The following PCDHGA5 variants were observed in gnomAD, a reference collection of about 807,000 sequenced individuals.
PCDHGA5 encodes protocadherin gamma subfamily A, 5, also known as protocadherin gamma-A5.
In PCDHGA5, 36 loss-of-function variants were observed where a neutral mutation model predicts 56.7. The observed-to-expected ratio is 0.64, with a 90% CI of 0.49 to 0.84. The LOEUF (loss-of-function observed/expected upper bound fraction) is 0.84. Ranked by LOEUF, PCDHGA5 falls within the 40% of genes least tolerant of loss-of-function variation. The probability of loss-of-function intolerance (pLI) is 0.00; values close to 1 mark genes in which losing one functional copy is unlikely to be tolerated. For synonymous variants in PCDHGA5, 563 were observed against 520.2 expected, an observed-to-expected ratio of 1.08 and a Z score of -1.12; for missense variants, 1,305 against 1,201.5, an observed-to-expected ratio of 1.09 and a Z score of -1.27.
At chr5:141,390,433 AT>A (rs1395897313) in intron 1 of PCDHGA5, 1 of 978,654 alleles carries the variant, frequency 1.0e-6, no homozygotes, top group East Asian at 2.6e-5. Context: ...CTGTCATATC[AT>A]TCTACAAAGG....
intron 1 of PCDHGA5, among the ~76,000 whole-genome samples, chr5:141,448,952 C>A (rs1278778374): frequency 2.6e-5 from 4 of 151,698 alleles, no homozygotes; most frequent in Non-Finnish European, 5.9e-5. Flanking sequence ...CTCAAAAAAA[C>A]AAACAAACAA....
chr5:141,462,818 C>T (rs1280335120), intron 1 of PCDHGA5, among the ~76,000 whole-genome samples: 1 of 152,120 alleles, frequency 6.6e-6, no homozygotes, highest in East Asian at 1.9e-4. Flanking sequence ...TTTTATTGGA[C>T]AGCAGACATT....
At chr5:141,433,560 G>A (rs1276743163) in intron 1 of PCDHGA5, among the ~76,000 whole-genome samples, 1 of 152,110 alleles carries the variant, frequency 6.6e-6, no homozygotes, top group East Asian at 1.9e-4. Flanking sequence ...TTCTGGCTGG[G>A]CGCGGTGGCT....
chr5:141,403,613 C>T lies in PCDHGA5; in HGVS notation c.2421+36862C>T, dbSNP rs769394271. On this transcript the variant is annotated intron_variant, in intron 1 of 3. Transcript: ENST00000518069. ...CACGGCCTCGGATGGCGGCGAGCCG[C>T]GTCGCTCCAGCACAGTGCGCATCCA... The T allele has an allele frequency of 3.5e-5, 56 of 1,613,778 alleles. No homozygotes were observed. Among genetic ancestry groups the T allele is most frequent in the Non-Finnish European group, 4.7e-5 (55 of 1,179,908 alleles).
chr5:141,453,888 C>T (rs1273180395), intron 1 of PCDHGA5, among the ~76,000 whole-genome samples: 2 of 152,198 alleles, frequency 1.3e-5, no homozygotes, highest in East Asian at 1.9e-4. Flanking sequence ...TGTGGCCAAT[C>T]ACATGACTTC....
chr5:141,407,735 T>C (rs2094975330), intron 1 of PCDHGA5, among the ~76,000 whole-genome samples: 1 of 152,246 alleles, frequency 6.6e-6, no homozygotes, highest in Non-Finnish European at 1.5e-5. Context: ...GTTCACTATA[T>C]ATACTCCCTA....
chr5:141,400,524 G>T, intron 1 of PCDHGA5: 1 of 1,613,920 alleles, frequency 6.2e-7, no homozygotes, highest in Non-Finnish European at 8.5e-7. Flanking sequence ...ATCCTGAGTT[G>T]GTGAGTTTCA....
chr5:141,426,756 G>A, intron 1 of PCDHGA5: 1 of 456,302 alleles, frequency 2.2e-6, no homozygotes. Context: ...ATCTGCTATA[G>A]ATGCAGATGT....
rs182905441 is a variant in PCDHGA5, at chr5:141,450,871, C to A, written c.2422-43936C>A. Among the ~76,000 whole-genome samples, 581 of 149,672 alleles carry A rather than the reference C, an allele frequency of 3.9e-3. 6 individuals carry two copies. Among genetic ancestry groups the A allele is most frequent in the Admixed American group, 0.011 (168 of 14,998 alleles). ...ATGGGGTCTTGCTCTGTCACCCAGGCTGGTGTGCAGTGGTGCGATATCGGC... is the reference window on the plus strand; with the variant it reads ...ATGGGGTCTTGCTCTGTCACCCAGGATGGTGTGCAGTGGTGCGATATCGGC... On this transcript the variant is annotated intron_variant, in intron 1 of 3. Coordinates refer to ENST00000518069, the MANE Select transcript of PCDHGA5 (RefSeq NM_018918.3).
chr5:141,462,253 A>C (rs7717600), intron 1 of PCDHGA5, among the ~76,000 whole-genome samples: 42,489 of 152,124 alleles, frequency 0.28, 6,669 homozygotes, highest in African/African-American at 0.43. Context: ...AGCCACCATG[A>C]CCAGCCTAAA....
At chr5:141,418,566 A>G (rs2096269931) in intron 1 of PCDHGA5, 2 of 1,614,054 alleles carry the variant, frequency 1.2e-6, no homozygotes, top group South Asian at 1.1e-5. Context: ...ATAGATGCCA[A>G]TGACAACCCC....
chr5:141,364,749 T>G lies in PCDHGA5; in HGVS notation c.419T>G (p.Val140Gly). ...CGTTTCCGGGATGAAGAGTTAAAAG[T>G]AAAAGTTAATGAAAATGCGGCTGCA... ...FPRFRDEELK[V>G]KVNENAAAGT... Residue 140 changes from valine to glycine, a missense_variant, in exon 1 of 4, where the codon GTA becomes GGA. Physicochemically the swap from Val to Gly is moderately radical, Grantham distance 109. Transcript: ENST00000518069. 1 of 1,613,916 alleles carries G rather than the reference T, an allele frequency of 6.2e-7. No individual in the cohort carries two copies. The highest frequency in any genetic ancestry group is 8.5e-7 in the Non-Finnish European group (1 of 1,179,868).
chr5:141,450,110 G>C (rs2098669636), intron 1 of PCDHGA5, among the ~76,000 whole-genome samples: 1 of 147,716 alleles, frequency 6.8e-6, no homozygotes. Context: ...AGGTTCAAAT[G>C]ATTCTCCTGC....
chr5:141,389,002 A>T (rs749693513), intron 1 of PCDHGA5: 25 of 1,613,966 alleles, frequency 1.5e-5, no homozygotes, highest in Admixed American at 3.3e-5. Context: ...CGTGACAAGG[A>T]TTCCAGACAC....
chr5:141,436,859 A>T (rs550974791), intron 1 of PCDHGA5, among the ~76,000 whole-genome samples: 1 of 152,250 alleles, frequency 6.6e-6, no homozygotes, highest in Non-Finnish European at 1.5e-5. Flanking sequence ...TTGAGAAGCC[A>T]CAGTTTTAGG....
intron 1 of PCDHGA5, among the ~76,000 whole-genome samples, chr5:141,453,080 A>T (rs1323212808): frequency 6.6e-6 from 1 of 151,960 alleles, no homozygotes; most frequent in Non-Finnish European, 1.5e-5. Context: ...ACTCTGGTTG[A>T]TTAGTATATT....
rs1014758036 is a variant in PCDHGA5 at position 141,486,472 on chromosome 5, T to C, written c.2422-8335T>C. The C allele has an allele frequency of 6.2e-7, 1 of 1,614,032 alleles. No homozygotes were observed. Among genetic ancestry groups the C allele is most frequent in the Non-Finnish European group, 8.5e-7 (1 of 1,179,862 alleles). ...TCACTGCTTCTGATGCTGGGAACCC[T>C]CCTCTCAGTACCCACAGAACTATTT... On this transcript the variant is annotated intron_variant, in intron 1 of 3. Coordinates refer to ENST00000518069, the MANE Select transcript of PCDHGA5 (RefSeq NM_018918.3). This position sits in a 1 kb window ranked among gnomAD's most constrained non-coding sequence, Gnocchi z 5.0.
intron 1 of PCDHGA5, chr5:141,388,189 G>A: frequency 1.3e-6 from 2 of 1,542,748 alleles, no homozygotes; most frequent in Admixed American, 1.7e-5. Context: ...AAGCCAGCTT[G>A]TGCTCTGGAA....
intron 1 of PCDHGA5, chr5:141,427,265 C>A (rs767369457): frequency 6.6e-6 from 3 of 456,572 alleles, no homozygotes; most frequent in Non-Finnish European, 8.8e-6. Context: ...GCATGACCAG[C>A]GAATGTAAAA....
Sources: allele counts gnomAD v4.1 joint callset (sites outside exome capture counted in the v4.1 genomes callset), GRCh38; gene constraint gnomAD v4.1.1; non-coding constraint Gnocchi (gnomAD v3.1); transcripts MANE v1.5; gene names NCBI Gene and HGNC (gene_info 2026-07-23, HGNC 2026-07-21).